The following HYCC2 variants were observed in gnomAD, a reference collection of about 807,000 sequenced individuals.
HYCC2 encodes hyccin 2.
the HYCC2 span, chr2:200,979,600 T>A: frequency 4.6e-5 from 7 of 152,638 alleles, no homozygotes; most frequent in Non-Finnish European, 1.5e-5. Flanking sequence ...GATAAAATTT[T>A]AACTTTTGCT....
At chr2:201,068,622 T>C in the HYCC2 span, among the ~76,000 whole-genome samples, 1 of 152,248 alleles carries the variant, frequency 6.6e-6, no homozygotes, top group Admixed American at 6.5e-5. Flanking sequence ...TAAATTGTTT[T>C]GAGGTATCTA....
chr2:200,973,844 AT>A, the HYCC2 span: 2 of 152,156 alleles, frequency 1.3e-5, no homozygotes, highest in Non-Finnish European at 2.9e-5. Context: ...CATCTAAGAT[AT>A]GTTTCTGCAT....
the HYCC2 span, among the ~76,000 whole-genome samples, chr2:201,003,805 CTTTT>C: frequency 1.5e-4 from 10 of 66,362 alleles, no homozygotes; most frequent in Non-Finnish European, 2.6e-4. Context: ...GTTGTTGTTG[CTTTT>C]TTTTTTTTTT....
the HYCC2 span, among the ~76,000 whole-genome samples, chr2:201,058,434 A>G: frequency 0.052 from 7,901 of 152,346 alleles, 473 homozygotes; most frequent in African/African-American, 0.14. Context: ...TATTAGGCCC[A>G]GCACAGCGGC....
At chr2:201,014,164 ATGTT>A in the HYCC2 span, among the ~76,000 whole-genome samples, 2 of 152,212 alleles carry the variant, frequency 1.3e-5, no homozygotes, top group Admixed American at 6.5e-5. Context: ...ACTTTGCAAA[ATGTT>A]TGTTTCATGT....
At chr2:201,068,772 A>C in the HYCC2 span, among the ~76,000 whole-genome samples, 140 of 152,364 alleles carry the variant, frequency 9.2e-4, no homozygotes, top group African/African-American at 3.1e-3. Context: ...TACTCGGAAC[A>C]GATGTAAGCT....
the HYCC2 span, among the ~76,000 whole-genome samples, chr2:201,047,642 C>T: frequency 1.3e-5 from 2 of 149,294 alleles, no homozygotes; most frequent in African/African-American, 4.9e-5. Flanking sequence ...CCCAGGATGC[C>T]GTAAACTAGA....
the HYCC2 span, among the ~76,000 whole-genome samples, chr2:201,037,430 C>G: frequency 1.7e-4 from 26 of 152,270 alleles, no homozygotes; most frequent in Admixed American, 1.6e-3. Context: ...GCCCGCATTG[C>G]CAAGTCAATC....
At chr2:201,016,601 A>AAT in the HYCC2 span, among the ~76,000 whole-genome samples, 1 of 150,460 alleles carries the variant, frequency 6.6e-6, no homozygotes, top group African/African-American at 2.4e-5. Context: ...TATTATTTTT[A>AAT]ATTTTTTTTT....
the HYCC2 span, among the ~76,000 whole-genome samples, chr2:201,069,998 G>T: frequency 6.6e-6 from 1 of 152,092 alleles, no homozygotes; most frequent in African/African-American, 2.4e-5. Context: ...CACTACATTA[G>T]ACCTTATCTC....
chr2:201,048,856 T>C, the HYCC2 span, among the ~76,000 whole-genome samples: 1 of 152,026 alleles, frequency 6.6e-6, no homozygotes, highest in Non-Finnish European at 1.5e-5. Flanking sequence ...CAGCAGGGCA[T>C]GGCGGCTCAA....
the HYCC2 span, among the ~76,000 whole-genome samples, chr2:201,049,179 G>A: frequency 2.7e-5 from 4 of 150,356 alleles, no homozygotes; most frequent in Non-Finnish European, 4.4e-5. Context: ...GAATTAAAAG[G>A]AGAAAAAGAT....
chr2:201,009,968 G>A, the HYCC2 span, among the ~76,000 whole-genome samples: 2 of 151,812 alleles, frequency 1.3e-5, no homozygotes, highest in African/African-American at 4.8e-5. Flanking sequence ...GCCGGGCGTG[G>A]TGGCATGCAC....
chr2:201,024,945 T>TA, the HYCC2 span, among the ~76,000 whole-genome samples: 45 of 150,984 alleles, frequency 3.0e-4, no homozygotes, highest in East Asian at 4.9e-3. Flanking sequence ...CCAATATCTA[T>TA]AAAAAATAAA....
At chr2:201,068,782 T>C in the HYCC2 span, among the ~76,000 whole-genome samples, 1 of 152,198 alleles carries the variant, frequency 6.6e-6, no homozygotes, top group African/African-American at 2.4e-5. Context: ...AGATGTAAGC[T>C]ACTTTCAGAG....
the HYCC2 span, among the ~76,000 whole-genome samples, chr2:201,051,363 C>CT: frequency 6.6e-6 from 1 of 151,852 alleles, no homozygotes; most frequent in South Asian, 2.1e-4. Flanking sequence ...GAAGGCCTAG[C>CT]TAGTACAGTA....
the HYCC2 span, chr2:201,024,024 T>C: frequency 6.2e-7 from 1 of 1,606,076 alleles, no homozygotes; most frequent in Non-Finnish European, 8.5e-7. Flanking sequence ...TTTTACCTTC[T>C]ACTCCTCTTT....
At chr2:201,037,009 C>T in the HYCC2 span, among the ~76,000 whole-genome samples, 4 of 152,200 alleles carry the variant, frequency 2.6e-5, no homozygotes, top group Non-Finnish European at 4.4e-5. Flanking sequence ...ATCGTCTCTG[C>T]CCAAAATCTC....
At chr2:201,063,521 A>T in the HYCC2 span, 9 of 1,592,402 alleles carry the variant, frequency 5.7e-6, no homozygotes, top group Non-Finnish European at 7.7e-6. Flanking sequence ...CAGTGGGAAG[A>T]AAAGGGGCTT....
Sources: gnomAD v4.1 joint callset for allele counts (sites outside exome capture counted in the v4.1 genomes callset) on GRCh38, gnomAD v4.1.1 for gene constraint, MANE v1.5 for transcripts, NCBI Gene and HGNC (gene_info 2026-07-23, HGNC 2026-07-21) for gene names.